Variants in PLXNA2 observed in about 807,000 individuals in gnomAD.
PLXNA2 encodes plexin-A2.
A neutral mutation model predicts 193.5 loss-of-function variants in PLXNA2; 91 were observed. That is an observed-to-expected ratio of 0.47 (90% CI 0.40 to 0.56). The LOEUF is 0.56. PLXNA2 is among the 20% of genes least tolerant of loss of function. The pLI is 0.00. For missense variants in PLXNA2, 1,995 were observed against 2,503.2 expected, an observed-to-expected ratio of 0.80 and a Z score of 4.33; for synonymous variants, 997 against 1,027.3, an observed-to-expected ratio of 0.97 and a Z score of 0.56.
At chr1:208,113,005 CAAAAA>C (rs5780433) in intron 4 of PLXNA2, among the ~76,000 whole-genome samples, 3 of 114,656 alleles carry the variant, frequency 2.6e-5, no homozygotes, top group Admixed American at 9.4e-5. Context: ...GAAGGACCTA[CAAAAA>C]AAAAAAAAAA....
At chr1:208,227,776 C>G (rs533235294) in intron 1 of PLXNA2, among the ~76,000 whole-genome samples, 1 of 152,106 alleles carries the variant, frequency 6.6e-6, no homozygotes, top group Non-Finnish European at 1.5e-5. Context: ...TTTCAAAGAG[C>G]CTGGAAATGT....
At chr1:208,156,685 T>C (rs1318109536) in intron 3 of PLXNA2, among the ~76,000 whole-genome samples, 2 of 152,268 alleles carry the variant, frequency 1.3e-5, no homozygotes, top group Non-Finnish European at 2.9e-5. Context: ...AATGCTCTTA[T>C]TCTGCTGTCT....
intron 26 of PLXNA2, among the ~76,000 whole-genome samples, chr1:208,037,917 A>T (rs1025301441): frequency 5.4e-5 from 8 of 146,906 alleles, no homozygotes; most frequent in African/African-American, 1.3e-4. Flanking sequence ...GGAAGAATGT[A>T]AGACCTGAAG....
At chr1:208,232,856 A>G (rs1356013438) in intron 1 of PLXNA2, among the ~76,000 whole-genome samples, 1 of 152,162 alleles carries the variant, frequency 6.6e-6, no homozygotes, top group African/African-American at 2.4e-5. Flanking sequence ...ATTCAATTGT[A>G]TGGACCTGAC....
At chr1:208,208,247 C>T (rs1272101198) in intron 3 of PLXNA2, among the ~76,000 whole-genome samples, 1 of 152,208 alleles carries the variant, frequency 6.6e-6, no homozygotes, top group Non-Finnish European at 1.5e-5. Flanking sequence ...AGCACTGGCC[C>T]CTAGCTGACC....
intron 12 of PLXNA2, among the ~76,000 whole-genome samples, chr1:208,072,874 T>A (rs1666018213): frequency 6.6e-6 from 1 of 152,162 alleles, no homozygotes; most frequent in African/African-American, 2.4e-5. Context: ...TCTTGGTAAG[T>A]TCCAAGAGGA....
In PLXNA2 at chr1:208,096,770, T is replaced by C. The variant is rs1159773287; in HGVS notation, c.1845A>G (p.Ser615=). The change falls in exon 7 of 32, where the codon TCA becomes TCG. Residue 615 remains serine (S), a synonymous_variant. Transcript: ENST00000367033. The part of the protein sequence containing the change: ...QVSGSQVICI[S]PGPKDVPVIP... ...TGACAGGGACATCCTTGGGCCCAGG[T>C]GAGATGCAGATGACCTGGCTCCCGG... 1 of 1,614,056 alleles carries C rather than the reference T, an allele frequency of 6.2e-7. No homozygotes were observed. Among genetic ancestry groups the C allele is most frequent in the South Asian group, 1.1e-5 (1 of 91,058 alleles).
At chr1:208,060,446 C>G (rs1001936804) in intron 13 of PLXNA2, among the ~76,000 whole-genome samples, 1 of 152,010 alleles carries the variant, frequency 6.6e-6, no homozygotes, top group Non-Finnish European at 1.5e-5. Context: ...GAATGAGGGA[C>G]GGTCAGGGCC....
In PLXNA2 at chr1:208,244,068, T is replaced by C. The variant is rs1216386543; in HGVS notation, c.-506A>G. ...CAATCCCGGCGCTTCCTTCCCTTCT[T>C]GCTCTCCGGTTCGTTCACAGTCCCA... On this transcript the variant is annotated 5_prime_UTR_variant, in exon 1 of 32. Transcript: ENST00000367033. The C allele has an allele frequency of 1.3e-5, 2 of 152,762 alleles. No individual in the cohort carries two copies. Among genetic ancestry groups the C allele is most frequent in the African/African-American group, 4.8e-5 (2 of 41,474 alleles). The allele number at this position is 152,762 out of a possible 1,614,324, so 9.5% of individuals were successfully genotyped here.
chr1:208,096,647 T>G, intron 7 of PLXNA2, 83 bp downstream of exon 7: 3 of 1,489,132 alleles, frequency 2.0e-6, no homozygotes, highest in Non-Finnish European at 2.8e-6. Flanking sequence ...ATAAGAAGAC[T>G]GTGTGCCTAG....
chr1:208,217,815 A>G lies in PLXNA2; in HGVS notation c.108T>C (p.Pro36=), dbSNP rs1671190277. ...VLLAPPAAGM[P]QFSTFHSENR... ...TCTCAGAGTGGAAGGTGCTGAACTG[A>G]GGCATGCCGGCTGCTGGGGGGGCCA... The change falls in exon 2 of 32, where the codon CCT becomes CCC. Residue 36 remains proline, a synonymous_variant. Coordinates refer to ENST00000367033, the MANE Select transcript of PLXNA2 (RefSeq NM_025179.4). The surrounding 1 kb of genome is among the most constrained non-coding windows in gnomAD (Gnocchi z 4.7). 6.2e-7 allele frequency: 1 copy of G among 1,613,924 alleles called. No individual in the cohort carries two copies. The highest frequency in any genetic ancestry group is 1.3e-5 in the African/African-American group (1 of 74,866).
chr1:208,089,258 C>G (rs1666633158), intron 9 of PLXNA2, among the ~76,000 whole-genome samples: 2 of 152,112 alleles, frequency 1.3e-5, no homozygotes, highest in Admixed American at 1.3e-4. Flanking sequence ...TTTGTGCTGG[C>G]CCATCCATAG....
chr1:208,161,776 C>T (rs1487295074), intron 3 of PLXNA2, among the ~76,000 whole-genome samples: 1 of 152,234 alleles, frequency 6.6e-6, no homozygotes, highest in African/African-American at 2.4e-5. Context: ...CATTCATCTC[C>T]AGCCTCTCTC....
At chr1:208,097,427 G>A (rs1237402371) in intron 6 of PLXNA2, among the ~76,000 whole-genome samples, 2 of 152,182 alleles carry the variant, frequency 1.3e-5, no homozygotes, top group Admixed American at 6.5e-5. Flanking sequence ...GTGCTTCTCT[G>A]TTCCATGTGG....
In PLXNA2 at chr1:208,142,444, G is replaced by T. The variant is rs778762105; in HGVS notation, c.1391C>A (p.Pro464His). The T allele has an allele frequency of 5.0e-6, 8 of 1,611,046 alleles. No individual in the cohort carries two copies. In the Admixed American group the frequency reaches 5.1e-5, roughly 10 times the overall value. Residue 464 changes from proline to histidine, a missense_variant, in exon 4 of 32, where the codon CCC becomes CAC. Transcript: ENST00000367033. ...KLKKIRADGP[P>H]HGGVQYEMVS... Reference sequence around the variant, plus strand: ...CATCTCGTACTGGACCCCACCATGGGGGGGACCGTCGGCCCGAATCTGTAT... The same window carrying T: ...CATCTCGTACTGGACCCCACCATGGTGGGGACCGTCGGCCCGAATCTGTAT...
chr1:208,134,466 TG>T (rs1349990472), intron 4 of PLXNA2, among the ~76,000 whole-genome samples: 5 of 152,186 alleles, frequency 3.3e-5, no homozygotes, highest in Non-Finnish European at 7.4e-5. Flanking sequence ...ACTGGGGTCC[TG>T]CATCCTTAAC....
chr1:208,053,944 C>T (rs1473151273), intron 14 of PLXNA2, among the ~76,000 whole-genome samples: 1 of 152,188 alleles, frequency 6.6e-6, no homozygotes, highest in Non-Finnish European at 1.5e-5. Context: ...AGATACACAT[C>T]CCTGCCAGAT....
At chr1:208,185,696 C>CAAAAAAAAAAAAAAAAAAAAAAA (rs56384277) in intron 3 of PLXNA2, among the ~76,000 whole-genome samples, 56 of 57,144 alleles carry the variant, frequency 9.8e-4, no homozygotes, top group Non-Finnish European at 1.2e-3. Flanking sequence ...TCTCTGAAAG[C>CAAAAAAAAAAAAAAAAAAAAAAA]AAAAAAAAAA....
intron 8 of PLXNA2, among the ~76,000 whole-genome samples, chr1:208,093,714 A>T (rs1251702557): frequency 6.6e-6 from 1 of 152,116 alleles, no homozygotes; most frequent in East Asian, 1.9e-4. Flanking sequence ...GAACAGTAGG[A>T]TATGTGTGTG....
Sources: gnomAD v4.1 joint callset for allele counts (sites outside exome capture counted in the v4.1 genomes callset) on GRCh38, gnomAD v4.1.1 for gene constraint, Gnocchi (gnomAD v3.1) non-coding constraint, MANE v1.5 for transcripts, NCBI Gene and HGNC (gene_info 2026-07-23, HGNC 2026-07-21) for gene names.